The following CDH18 variants were observed in gnomAD, a reference collection of about 807,000 sequenced individuals.
The protein encoded by CDH18 is cadherin-18.
Under a neutral mutation model 67.9 loss-of-function variants are expected in CDH18, and 31 were observed. The observed-to-expected ratio is 0.46, with a 90% CI of 0.34 to 0.62. The LOEUF (loss-of-function observed/expected upper bound fraction) is 0.62. Ranked by LOEUF, CDH18 falls within the 20% of genes least tolerant of loss-of-function variation. The pLI is 0.01. For missense variants in CDH18, 890 were observed against 975.5 expected (o/e 0.91, Z 1.17); for synonymous variants, 362 against 347.2 (o/e 1.04, Z -0.48).
chr5:20,129,606 T>C (rs1561814277), intron 2 of CDH18, among the ~76,000 whole-genome samples: 1 of 152,050 alleles, frequency 6.6e-6, no homozygotes, highest in Non-Finnish European at 1.5e-5. Context: ...ATCAGGCGAT[T>C]GGAAACTTAC....
At chr5:19,898,215 T>A (rs1789555702) in intron 2 of CDH18, among the ~76,000 whole-genome samples, 1 of 152,052 alleles carries the variant, frequency 6.6e-6, no homozygotes, top group South Asian at 2.1e-4. Flanking sequence ...TATCCAAGAG[T>A]ATGCCATATC....
intron 7 of CDH18, among the ~76,000 whole-genome samples, chr5:19,575,709 G>T (rs942466626): frequency 6.6e-6 from 1 of 152,090 alleles, no homozygotes; most frequent in African/African-American, 2.4e-5. Flanking sequence ...ATAACAAATT[G>T]CCACAAACAG....
intron 1 of CDH18, among the ~76,000 whole-genome samples, chr5:20,518,079 T>C (rs1349904904): frequency 6.6e-6 from 1 of 151,816 alleles, no homozygotes; most frequent in African/African-American, 2.4e-5. Context: ...AATCAGAGAG[T>C]GGGGAAATGT....
At chr5:19,873,448 A>C (rs929907947) in intron 2 of CDH18, among the ~76,000 whole-genome samples, 1 of 152,096 alleles carries the variant, frequency 6.6e-6, no homozygotes, top group Admixed American at 6.6e-5. Context: ...ATATAAAAAT[A>C]ATGCATGGTG....
chr5:19,677,988 A>G (rs1156650391), intron 5 of CDH18, among the ~76,000 whole-genome samples: 2 of 151,904 alleles, frequency 1.3e-5, no homozygotes, highest in Non-Finnish European at 2.9e-5. Context: ...ACCAAGATTC[A>G]TAAAGAAAGT....
chr5:20,488,994 C>T (rs1006439899), intron 1 of CDH18, among the ~76,000 whole-genome samples: 4 of 151,974 alleles, frequency 2.6e-5, no homozygotes, highest in African/African-American at 9.7e-5. Flanking sequence ...CGAATACAGA[C>T]TCCATATTCC....
intron 2 of CDH18, among the ~76,000 whole-genome samples, chr5:20,154,440 G>T (rs562731488): frequency 6.6e-6 from 1 of 152,016 alleles, no homozygotes; most frequent in East Asian, 1.9e-4. Flanking sequence ...TCATGAGCTC[G>T]ACAGTCTTCC....
At chr5:20,192,313 C>A (rs1738609196) in intron 2 of CDH18, among the ~76,000 whole-genome samples, 1 of 151,992 alleles carries the variant, frequency 6.6e-6, no homozygotes, top group South Asian at 2.1e-4. Context: ...CCTGTTCACA[C>A]TGATGACAGC....
intron 2 of CDH18, among the ~76,000 whole-genome samples, chr5:20,044,105 C>A (rs557378508): frequency 6.6e-6 from 1 of 152,054 alleles, no homozygotes; most frequent in East Asian, 1.9e-4. Flanking sequence ...TATTAGTTGG[C>A]TGAATCATTT....
chr5:20,208,379 C>T (rs1205981716), intron 2 of CDH18, among the ~76,000 whole-genome samples: 1 of 152,024 alleles, frequency 6.6e-6, no homozygotes, highest in Non-Finnish European at 1.5e-5. Flanking sequence ...ATGGGGATCA[C>T]AAACATGTGG....
At chr5:20,327,367 C>T (rs1357009013) in intron 1 of CDH18, among the ~76,000 whole-genome samples, 1 of 152,154 alleles carries the variant, frequency 6.6e-6, no homozygotes, top group Admixed American at 6.5e-5. Flanking sequence ...TTGACTTTTT[C>T]GTCTGCTTCC....
intron 3 of CDH18, among the ~76,000 whole-genome samples, chr5:19,837,469 A>C (rs956671213): frequency 2.0e-5 from 3 of 152,138 alleles, no homozygotes; most frequent in African/African-American, 7.2e-5. Context: ...CTAATCTAAT[A>C]TATTATGCTT....
chr5:20,159,382 G>A (rs1751802167), intron 2 of CDH18, among the ~76,000 whole-genome samples: 1 of 152,120 alleles, frequency 6.6e-6, no homozygotes, highest in Non-Finnish European at 1.5e-5. Flanking sequence ...CTAGGAGGAG[G>A]AATCTGGGAT....
chr5:19,554,848 T>C (rs1271274618), intron 8 of CDH18, among the ~76,000 whole-genome samples: 2 of 152,120 alleles, frequency 1.3e-5, no homozygotes, highest in Non-Finnish European at 2.9e-5. Flanking sequence ...CCAGTGTCAA[T>C]TATTAATTAA....
rs1770118239 is a variant in CDH18 at position 19,747,133 on chromosome 5, T to C, written c.332A>G (p.His111Arg). 1 of 1,613,906 alleles carries C rather than the reference T, an allele frequency of 6.2e-7. No homozygotes were observed. Among genetic ancestry groups the C allele is most frequent in the Non-Finnish European group, 8.5e-7 (1 of 1,179,930 alleles). Reference sequence around the variant, plus strand: ...CTCTCTGTCTAGGCTTTTTGTTGAGTGGATATCACCCGTGGTATCGTCAAT... The same window carrying C: ...CTCTCTGTCTAGGCTTTTTGTTGAGCGGATATCACCCGTGGTATCGTCAAT... ...FIIDDTTGDIHSTKSLDREQK... is the reference protein window; with the variant it reads ...FIIDDTTGDIRSTKSLDREQK... Residue 111 changes from histidine to arginine, a missense_variant, in exon 4 of 13, where the codon CAC becomes CGC. Physicochemically the swap from His to Arg is conservative, Grantham distance 29. Transcript: ENST00000382275.
chr5:19,982,977 G>A (rs1294804705), intron 1 of CDH18, among the ~76,000 whole-genome samples: 3 of 135,948 alleles, frequency 2.2e-5, no homozygotes, highest in Non-Finnish European at 5.0e-5. Context: ...CTGGGAGGTG[G>A]AGCTTGCAGT....
chr5:19,555,967 C>T (rs1264351817), intron 8 of CDH18, among the ~76,000 whole-genome samples: 1 of 152,140 alleles, frequency 6.6e-6, no homozygotes, highest in Admixed American at 6.6e-5. Flanking sequence ...AGACACTCCC[C>T]AGTATCAGCC....
intron 8 of CDH18, among the ~76,000 whole-genome samples, chr5:19,561,040 G>A (rs1375824838): frequency 6.6e-6 from 1 of 152,006 alleles, no homozygotes; most frequent in Non-Finnish European, 1.5e-5. Flanking sequence ...TGAAAAGGGA[G>A]CACTTTTACA....
intron 6 of CDH18, among the ~76,000 whole-genome samples, chr5:19,607,271 T>C (rs1221107160): frequency 6.6e-6 from 1 of 151,472 alleles, no homozygotes; most frequent in Non-Finnish European, 1.5e-5. Flanking sequence ...AAATTATTAC[T>C]GTCTTAAAAA....
Sources: allele counts gnomAD v4.1 joint callset (sites outside exome capture counted in the v4.1 genomes callset), GRCh38; gene constraint gnomAD v4.1.1; transcripts MANE v1.5; gene names NCBI Gene and HGNC (gene_info 2026-07-23, HGNC 2026-07-21).